The following EYS variants were observed in gnomAD, a reference collection of about 807,000 sequenced individuals.
The protein encoded by EYS is EGF-like photoreceptor maintenance factor, also known as protein eyes shut homolog.
In EYS, 250 loss-of-function variants were observed where a neutral mutation model predicts 282.1. That is an observed-to-expected ratio of 0.89 (90% CI 0.80 to 0.98). The LOEUF (loss-of-function observed/expected upper bound fraction) is 0.98, where lower values mean the gene tolerates loss of function less well. Among genes scored for constraint, EYS ranks in the 50% least tolerant of loss-of-function variants. The probability of loss-of-function intolerance (pLI) is 0.00; values close to 1 mark genes in which losing one functional copy is unlikely to be tolerated. For missense variants in EYS, 4,016 were observed against 3,709.0 expected (o/e 1.08, Z -2.15); for synonymous variants, 1,355 against 1,282.9 (o/e 1.06, Z -1.20).
chr6:64,351,669 A>G (rs1382233979), intron 29 of EYS, among the ~76,000 whole-genome samples: 1 of 151,584 alleles, frequency 6.6e-6, no homozygotes, highest in Non-Finnish European at 1.5e-5. Flanking sequence ...CTACAAGGTC[A>G]TTTAAAACAA....
chr6:64,443,266 T>C (rs1775008600), intron 26 of EYS, among the ~76,000 whole-genome samples: 1 of 152,236 alleles, frequency 6.6e-6, no homozygotes, highest in African/African-American at 2.4e-5. Flanking sequence ...GGCCAAGTTT[T>C]CCCATTTGGA....
chr6:65,360,729 C>T (rs986187632), intron 8 of EYS, among the ~76,000 whole-genome samples: 3 of 152,080 alleles, frequency 2.0e-5, no homozygotes, highest in East Asian at 3.9e-4. Flanking sequence ...GTTTAAATTA[C>T]GGCATCCTTG....
chr6:64,248,392 A>C (rs1286546401), intron 30 of EYS, among the ~76,000 whole-genome samples: 1 of 152,300 alleles, frequency 6.6e-6, no homozygotes, highest in East Asian at 1.9e-4. Flanking sequence ...AGCTGGAGGC[A>C]GTTGAAGGAG....
In EYS at chr6:65,533,684, C is replaced by T. The variant is rs961585587; in HGVS notation, c.-332-37691G>A. Among the ~76,000 whole-genome samples the T allele has an allele frequency of 1.7e-4, 26 of 152,046 alleles. 1 individual carries two copies. Among genetic ancestry groups the T allele is most frequent in the African/African-American group, 6.0e-4 (25 of 41,404 alleles). ...TCCCAAAGGAGCTTGTTCACCCATT[C>T]AGCAATATGAGGACACATAGAAGAT... On this transcript the variant is annotated intron_variant, in intron 2 of 42. Transcript: ENST00000503581.
intron 32 of EYS, among the ~76,000 whole-genome samples, chr6:64,068,033 A>G (rs987992379): frequency 2.6e-5 from 4 of 152,160 alleles, no homozygotes; most frequent in Non-Finnish European, 5.9e-5. Flanking sequence ...GCTCTGTCAG[A>G]AAGTATAAAT....
At chr6:64,722,480 T>C (rs77185519) in intron 22 of EYS, among the ~76,000 whole-genome samples, 2,846 of 151,114 alleles carry the variant, frequency 0.019, 75 homozygotes, top group African/African-American at 0.063. Context: ...GACAACATTC[T>C]ACCACCTGTA....
intron 34 of EYS, among the ~76,000 whole-genome samples, 182 bp from the exon 35 acceptor site, chr6:63,984,785 G>A (rs368326204): frequency 6.6e-6 from 1 of 151,562 alleles, no homozygotes; most frequent in East Asian, 1.9e-4. Flanking sequence ...TTTAGAAAAT[G>A]GTCCTTTTTT....
intron 29 of EYS, among the ~76,000 whole-genome samples, chr6:64,362,106 G>A (rs642459): frequency 0.69 from 103,639 of 151,158 alleles, 35,536 homozygotes; most frequent in South Asian, 0.71. Context: ...TGTAGGAGCT[G>A]GTGCTGCCAT....
chr6:65,679,468 T>C (rs1768743233), intron 1 of EYS, among the ~76,000 whole-genome samples: 1 of 151,940 alleles, frequency 6.6e-6, no homozygotes, highest in East Asian at 1.9e-4. Flanking sequence ...GATTCCACTT[T>C]TATGAGTCAC....
chr6:63,920,897 CT>C (rs545654220), intron 35 of EYS, among the ~76,000 whole-genome samples: 288 of 143,806 alleles, frequency 2.0e-3, no homozygotes, highest in South Asian at 4.2e-3. Context: ...TTCTTTCTTC[CT>C]TTTTTTTTTT....
intron 2 of EYS, among the ~76,000 whole-genome samples, chr6:65,548,165 G>T (rs1768461530): frequency 6.6e-6 from 1 of 152,164 alleles, no homozygotes; most frequent in South Asian, 2.1e-4. Flanking sequence ...AATGTCCAAA[G>T]AACTATTCTA....
chr6:63,753,148 A>ATATATATATATATATATATG (rs1562009785), intron 41 of EYS, among the ~76,000 whole-genome samples: 4 of 115,602 alleles, frequency 3.5e-5, no homozygotes, highest in African/African-American at 1.4e-4. Context: ...GTGTATATAT[A>ATATATATATATATATATATG]TATATATATA....
chr6:64,999,765 G>A (rs1319028905), intron 13 of EYS, among the ~76,000 whole-genome samples: 1 of 152,192 alleles, frequency 6.6e-6, no homozygotes, highest in Non-Finnish European at 1.5e-5. Context: ...GGAACGCACT[G>A]ACAAGCGCCG....
chr6:65,330,300 T>C, intron 11 of EYS: 1 of 959,132 alleles, frequency 1.0e-6, no homozygotes, highest in Non-Finnish European at 1.2e-6. Flanking sequence ...TATTTCATTC[T>C]GTTATGATAT....
At chr6:64,829,346 T>G (rs1765149953) in intron 19 of EYS, among the ~76,000 whole-genome samples, 1 of 151,974 alleles carries the variant, frequency 6.6e-6, no homozygotes, top group African/African-American at 2.4e-5. Context: ...ACCCAATGTA[T>G]GGGCTCCTCT....
chr6:64,529,088 T>A (rs370383516), intron 26 of EYS, among the ~76,000 whole-genome samples: 1 of 151,978 alleles, frequency 6.6e-6, no homozygotes, highest in African/African-American at 2.4e-5. Context: ...AGAACCAGTG[T>A]TCCCTAGGGC....
At chr6:65,263,849 T>C (rs1372601740) in intron 12 of EYS, among the ~76,000 whole-genome samples, 1 of 151,974 alleles carries the variant, frequency 6.6e-6, no homozygotes, top group East Asian at 1.9e-4. Context: ...TTTAAGGTGC[T>C]ATAATTGCAC....
At chr6:65,373,994 T>G (rs1468488203) in intron 8 of EYS, among the ~76,000 whole-genome samples, 2 of 152,182 alleles carry the variant, frequency 1.3e-5, no homozygotes, top group Non-Finnish European at 2.9e-5. Context: ...GCGTATGCTT[T>G]TATGTTCTGT....
intron 12 of EYS, among the ~76,000 whole-genome samples, chr6:65,088,648 A>AT (rs1774457666): frequency 6.6e-6 from 1 of 152,148 alleles, no homozygotes; most frequent in Admixed American, 6.5e-5. Context: ...AGAAAAACCC[A>AT]TTTTCTGGGG....
Sources: gnomAD v4.1 joint callset for allele counts (sites outside exome capture counted in the v4.1 genomes callset) on GRCh38, gnomAD v4.1.1 for gene constraint, MANE v1.5 for transcripts, NCBI Gene and HGNC (gene_info 2026-07-23, HGNC 2026-07-21) for gene names.